Variants in SIRPG observed in about 807,000 individuals in gnomAD.
SIRPG encodes signal regulatory protein gamma, also known as signal-regulatory protein gamma.
In SIRPG, 38 loss-of-function variants were observed where a neutral mutation model predicts 35.7. That is an observed-to-expected ratio of 1.06 (90% CI 0.82 to 1.40). SIRPG has a LOEUF of 1.40. Ranked by LOEUF, SIRPG falls within the 40% of genes most tolerant of loss-of-function variation. The probability of loss-of-function intolerance (pLI) is 0.00; values close to 1 mark genes in which losing one functional copy is unlikely to be tolerated. For missense variants in SIRPG, 519 were observed against 483.0 expected (o/e 1.07, Z -0.70); for synonymous variants, 215 against 190.4 (o/e 1.13, Z -1.06).
chr20:1,665,915 A>C, the SIRPG span, among the ~76,000 whole-genome samples: 1 of 152,154 alleles, frequency 6.6e-6, no homozygotes, highest in Non-Finnish European at 1.5e-5. Flanking sequence ...ATATAAAAAA[A>C]AGAGCCTCAG....
intron 2 of SIRPG, chr20:1,646,436 C>G (rs550035604): frequency 6.6e-6 from 1 of 152,298 alleles, no homozygotes; most frequent in African/African-American, 2.4e-5. Context: ...GCATGTGCTC[C>G]GCTGAGCTGC....
At chr20:1,670,949 C>A in the SIRPG span, 1 of 347,702 alleles carries the variant, frequency 2.9e-6, no homozygotes, top group Non-Finnish European at 5.8e-6. Flanking sequence ...TGGGCCACCT[C>A]GCAGATGACC....
Position 1,636,263 on chromosome 20 carries a change from T to C in SIRPG, c.673A>G (p.Ile225Val), listed in dbSNP as rs2091800091. The change falls in exon 3 of 6, where the codon ATC becomes GTC. Residue 225 changes from isoleucine to valine, a missense_variant. Coordinates refer to ENST00000303415, the MANE Select transcript of SIRPG (RefSeq NM_018556.4). Reference protein sequence around the residue: ...LDPWDVRSQVICEVAHVTLQG... With the variant: ...LDPWDVRSQVVCEVAHVTLQG... ...AAGGTGACATGGGCCACCTCGCAGA[T>C]GACCTGAGAGCGAACGTCCCAGGGG... 6.2e-7 allele frequency: 1 copy of C among 1,614,116 alleles called. No individual in the cohort carries two copies. The highest frequency in any genetic ancestry group is 1.3e-5 in the African/African-American group (1 of 75,044).
chr20:1,671,354 G>C, the SIRPG span, among the ~76,000 whole-genome samples: 8 of 152,194 alleles, frequency 5.3e-5, no homozygotes, highest in African/African-American at 1.9e-4. Context: ...AGGCTGGAAA[G>C]GCTCTGAGAG....
chr20:1,655,580 GAAAT>G (rs1321844884), intron 1 of SIRPG, among the ~76,000 whole-genome samples: 1 of 152,092 alleles, frequency 6.6e-6, no homozygotes, highest in Non-Finnish European at 1.5e-5. Flanking sequence ...TTAAATAAGA[GAAAT>G]AAGTTCAAGA....
chr20:1,664,620 A>G, the SIRPG span, among the ~76,000 whole-genome samples: 1 of 152,116 alleles, frequency 6.6e-6, no homozygotes, highest in Non-Finnish European at 1.5e-5. Flanking sequence ...AAGGTGGCAG[A>G]GACTGAGGGT....
the SIRPG span, among the ~76,000 whole-genome samples, chr20:1,678,456 G>T: frequency 6.6e-6 from 1 of 151,770 alleles, no homozygotes; most frequent in Non-Finnish European, 1.5e-5. Context: ...CATTAAAGAG[G>T]TTCTCTAACA....
At chr20:1,671,219 A>G in the SIRPG span, 230 of 249,208 alleles carry the variant, frequency 9.2e-4, 1 homozygote, top group Non-Finnish European at 1.6e-3. Flanking sequence ...GCATCGATAA[A>G]CAGGAGACAT....
the SIRPG span, among the ~76,000 whole-genome samples, chr20:1,677,928 C>T: frequency 6.6e-6 from 1 of 152,102 alleles, no homozygotes; most frequent in Non-Finnish European, 1.5e-5. Context: ...TTCATGGGCT[C>T]TTGACACACA....
chr20:1,659,708 C>T (rs1029566798), upstream of SIRPG, among the ~76,000 whole-genome samples: 1 of 152,240 alleles, frequency 6.6e-6, no homozygotes, highest in African/African-American at 2.4e-5. Context: ...GGCTGCCACA[C>T]TCCACAGCCT....
At chr20:1,683,834 T>C in the SIRPG span, among the ~76,000 whole-genome samples, 1 of 152,152 alleles carries the variant, frequency 6.6e-6, no homozygotes, top group East Asian at 1.9e-4. Context: ...CCGGGCATGG[T>C]GGCGGACATC....
the SIRPG span, among the ~76,000 whole-genome samples, chr20:1,667,500 G>T: frequency 1.8e-4 from 28 of 152,162 alleles, no homozygotes; most frequent in Non-Finnish European, 3.8e-4. Flanking sequence ...ATTGCAAAAG[G>T]AAAAGAATAT....
the SIRPG span, among the ~76,000 whole-genome samples, chr20:1,683,652 TCTCA>T: frequency 6.6e-6 from 1 of 152,146 alleles, no homozygotes; most frequent in Non-Finnish European, 1.5e-5. Context: ...TACCACATGG[TCTCA>T]CTCATACACT....
chr20:1,640,961 A>G (rs553826591), intron 2 of SIRPG, among the ~76,000 whole-genome samples: 69 of 152,264 alleles, frequency 4.5e-4, no homozygotes, highest in African/African-American at 1.5e-3. Flanking sequence ...GATGAAGCCA[A>G]TTTGATTGTG....
intron 4 of SIRPG, among the ~76,000 whole-genome samples, chr20:1,635,020 G>A (rs988885800): frequency 1.4e-4 from 21 of 150,554 alleles, no homozygotes; most frequent in Admixed American, 6.6e-4. Context: ...TCCAGTCTGG[G>A]CGACAGAGCC....
the SIRPG span, among the ~76,000 whole-genome samples, chr20:1,663,807 G>A: frequency 9.2e-5 from 14 of 152,266 alleles, no homozygotes; most frequent in Non-Finnish European, 1.9e-4. Context: ...GAAACAACTA[G>A]TGTTTCCATC....
At chr20:1,662,659 A>G (rs191494981), upstream of SIRPG, among the ~76,000 whole-genome samples, 1 of 152,350 alleles carries the variant, frequency 6.6e-6, no homozygotes, top group Admixed American at 6.5e-5. Flanking sequence ...TACTTTGACA[A>G]CAATTATGAG....
At chr20:1,643,785 T>C (rs2091875217) in intron 2 of SIRPG, among the ~76,000 whole-genome samples, 1 of 152,214 alleles carries the variant, frequency 6.6e-6, no homozygotes, top group African/African-American at 2.4e-5. Context: ...ATGCTGTTGT[T>C]GCCTTCTGTT....
In SIRPG at chr20:1,635,460, T is replaced by G; in HGVS notation, c.888A>C (p.Thr296=). 6.2e-7 allele frequency: 1 copy of G among 1,614,152 alleles called. No homozygotes were observed. Among genetic ancestry groups the G allele is most frequent in the Non-Finnish European group, 8.5e-7 (1 of 1,180,008 alleles). Residue 296 remains threonine, a synonymous_variant, in exon 4 of 6, where the codon ACA becomes ACC. Transcript: ENST00000303415. The part of the protein sequence containing the change: ...SENGNVCQRE[T]ASTLTENKDG... ...CCTTGTTCTCTGTAAGGGTCGAGGC[T>G]GTTTCTCTCTGGCACACGTTTCCAT...
Sources: allele counts gnomAD v4.1 joint callset (sites outside exome capture counted in the v4.1 genomes callset), GRCh38; gene constraint gnomAD v4.1.1; transcripts MANE v1.5; gene names NCBI Gene and HGNC (gene_info 2026-07-23, HGNC 2026-07-21).